Variants in NFIB observed in about 807,000 individuals in gnomAD.
NFIB encodes nuclear factor I B.
Under a neutral mutation model 61.5 loss-of-function variants are expected in NFIB, and 11 were observed. That is an observed-to-expected ratio of 0.18 (90% CI 0.11 to 0.30). The LOEUF (loss-of-function observed/expected upper bound fraction) is 0.30, where lower values mean the gene tolerates loss of function less well. NFIB is among the 10% of genes least tolerant of loss of function. The probability of loss-of-function intolerance (pLI) is 1.00; values close to 1 mark genes in which losing one functional copy is unlikely to be tolerated. For missense variants in NFIB, 471 were observed against 608.9 expected, an observed-to-expected ratio of 0.77 and a Z score of 2.38; for synonymous variants, 260 against 216.5, an observed-to-expected ratio of 1.20 and a Z score of -1.76.
intron 2 of NFIB, among the ~76,000 whole-genome samples, chr9:14,275,481 G>A (rs1001115043): frequency 1.3e-5 from 2 of 152,132 alleles, no homozygotes; most frequent in African/African-American, 2.4e-5. Context: ...GCCATGGTTA[G>A]GATATCATGC....
At chr9:14,476,340 A>T in the NFIB span, among the ~76,000 whole-genome samples, 1 of 149,840 alleles carries the variant, frequency 6.7e-6, no homozygotes, top group Non-Finnish European at 1.5e-5. Flanking sequence ...TTTTTAATTT[A>T]TTTGTGCCTG....
intron 2 of NFIB, among the ~76,000 whole-genome samples, chr9:14,284,718 T>C (rs570665653): frequency 6.6e-5 from 10 of 152,308 alleles, no homozygotes; most frequent in African/African-American, 2.4e-4. Flanking sequence ...ATCCCAACTT[T>C]TCAAATCAAT....
At chr9:14,402,702 T>C (rs752466609), upstream of NFIB, among the ~76,000 whole-genome samples, 1 of 152,154 alleles carries the variant, frequency 6.6e-6, no homozygotes, top group Non-Finnish European at 1.5e-5. Context: ...ATAAAAATCA[T>C]CCTGCTCAAA....
At chr9:14,279,990 T>C (rs547619504) in intron 2 of NFIB, among the ~76,000 whole-genome samples, 6 of 152,156 alleles carry the variant, frequency 3.9e-5, no homozygotes, top group Non-Finnish European at 8.8e-5. Flanking sequence ...GAAGTGCCCA[T>C]TCCAATCGTA....
At chr9:14,346,989 G>A (rs1284208163) in intron 1 of NFIB, among the ~76,000 whole-genome samples, 2 of 151,890 alleles carry the variant, frequency 1.3e-5, no homozygotes, top group African/African-American at 4.8e-5. Flanking sequence ...ACAGGACCTA[G>A]GTCTCCTAGG....
the NFIB span, among the ~76,000 whole-genome samples, chr9:14,505,171 G>C: frequency 5.9e-5 from 9 of 151,938 alleles, no homozygotes; most frequent in African/African-American, 1.9e-4. Context: ...TTACATCCTT[G>C]GTATGAAACC....
intron 9 of NFIB, among the ~76,000 whole-genome samples, chr9:14,113,934 A>C (rs2037759735): frequency 6.6e-6 from 1 of 152,166 alleles, no homozygotes; most frequent in Non-Finnish European, 1.5e-5. Context: ...CTACTCCTAA[A>C]GACTTTTGTT....
At chr9:14,423,923 T>C in the NFIB span, among the ~76,000 whole-genome samples, 1 of 152,234 alleles carries the variant, frequency 6.6e-6, no homozygotes, top group Non-Finnish European at 1.5e-5. Context: ...CCATTTCCCA[T>C]CCTTCACAAG....
At chr9:14,379,516 T>C (rs1033486819) in intron 1 of NFIB, among the ~76,000 whole-genome samples, 2 of 152,294 alleles carry the variant, frequency 1.3e-5, no homozygotes, top group Middle Eastern at 6.8e-3. Flanking sequence ...AAAATAAGAA[T>C]AATGTTTTGT....
At chr9:14,149,853 T>A (rs73411942) in intron 5 of NFIB, among the ~76,000 whole-genome samples, 1 of 152,108 alleles carries the variant, frequency 6.6e-6, no homozygotes, top group Non-Finnish European at 1.5e-5. Context: ...TCAAAAGATT[T>A]TGTTAACTTG....
chr9:14,168,783 G>T (rs1387851444), intron 3 of NFIB, among the ~76,000 whole-genome samples: 1 of 152,152 alleles, frequency 6.6e-6, no homozygotes, highest in African/African-American at 2.4e-5. Flanking sequence ...TTAAGATTCA[G>T]CATCAATTAC....
chr9:14,382,955 T>C (rs1271411471), intron 1 of NFIB, among the ~76,000 whole-genome samples: 1 of 152,162 alleles, frequency 6.6e-6, no homozygotes, highest in African/African-American at 2.4e-5. Flanking sequence ...GCTGGGTATC[T>C]GGAAGCCTCC....
chr9:14,182,070 G>A lies in NFIB; in HGVS notation c.563-2290C>T, dbSNP rs564356708. Among the ~76,000 whole-genome samples the A allele has an allele frequency of 8.5e-5, 13 of 152,310 alleles. No homozygotes were observed. In the East Asian group the frequency reaches 2.5e-3, roughly 29 times the overall value. ...TCCAGCTAGAACAATGGCATCCCCT[G>A]TTACCACAACATCCCACTTGGGAAA... On this transcript the variant is annotated intron_variant, in intron 2 of 10. Coordinates refer to ENST00000380953, the MANE Select transcript of NFIB (RefSeq NM_001190737.2).
chr9:14,167,076 TGTGTGTCGG>T (rs1257817434), intron 3 of NFIB, among the ~76,000 whole-genome samples: 11 of 92,186 alleles, frequency 1.2e-4, no homozygotes, highest in Admixed American at 4.6e-4. Context: ...TTGTTGTGTG[TGTGTGTCGG>T]GGGGGGGGGG....
chr9:14,150,882 C>A (rs531104606), intron 4 of NFIB, among the ~76,000 whole-genome samples: 2 of 151,888 alleles, frequency 1.3e-5, no homozygotes, highest in Non-Finnish European at 2.9e-5. Flanking sequence ...ACCCCATTTA[C>A]CCTGATGTGA....
At chr9:14,521,477 G>T in the NFIB span, among the ~76,000 whole-genome samples, 2 of 152,080 alleles carry the variant, frequency 1.3e-5, no homozygotes, top group African/African-American at 4.8e-5. Context: ...AACTCCCTGG[G>T]CCTCAGTATT....
At chr9:14,236,489 G>C (rs1042630151) in intron 2 of NFIB, among the ~76,000 whole-genome samples, 2 of 152,202 alleles carry the variant, frequency 1.3e-5, no homozygotes, top group East Asian at 3.8e-4. Flanking sequence ...GATAGGAAAT[G>C]ATCCATTTTC....
At chr9:14,401,420 A>G (rs556274509), upstream of NFIB, among the ~76,000 whole-genome samples, 2 of 152,252 alleles carry the variant, frequency 1.3e-5, no homozygotes, top group South Asian at 4.1e-4. Context: ...GCACAGTACT[A>G]TCCATCATTG....
At chr9:14,119,511 T>G (rs2119137145) in intron 8 of NFIB, among the ~76,000 whole-genome samples, 1 of 106,254 alleles carries the variant, frequency 9.4e-6, no homozygotes, top group South Asian at 4.2e-4. Context: ...TTTCTCACCT[T>G]TCTTTGCTAA....
Sources: gnomAD v4.1 joint callset for allele counts (sites outside exome capture counted in the v4.1 genomes callset) on GRCh38, gnomAD v4.1.1 for gene constraint, MANE v1.5 for transcripts, NCBI Gene and HGNC (gene_info 2026-07-23, HGNC 2026-07-21) for gene names.